Variants in ATP10D observed in about 807,000 individuals in gnomAD.
ATP10D encodes the protein phospholipid-transporting ATPase VD.
Under a neutral mutation model 144.8 loss-of-function variants are expected in ATP10D, and 89 were observed. The observed-to-expected ratio is 0.61, with a 90% CI of 0.52 to 0.73. The LOEUF (loss-of-function observed/expected upper bound fraction) is 0.73. Among genes scored for constraint, ATP10D ranks in the 30% least tolerant of loss-of-function variants. The pLI, the probability that ATP10D is intolerant of heterozygous loss-of-function variation, is 0.00. For missense variants in ATP10D, 1,603 were observed against 1,714.8 expected (o/e 0.93, Z 1.15); for synonymous variants, 571 against 615.1 (o/e 0.93, Z 1.06).
intron 1 of ATP10D, among the ~76,000 whole-genome samples, chr4:47,500,009 T>C (rs1320239660): frequency 1.3e-5 from 2 of 152,236 alleles, no homozygotes; most frequent in Admixed American, 6.5e-5. Context: ...GAAATGCCTG[T>C]TATTATATCA....
chr4:47,497,142 A>T (rs1425575903), intron 1 of ATP10D, among the ~76,000 whole-genome samples: 2 of 152,038 alleles, frequency 1.3e-5, no homozygotes, highest in East Asian at 3.9e-4. Flanking sequence ...CACCTGGCCT[A>T]TAAGATATTA....
At chr4:47,493,419 G>C (rs900796389) in intron 1 of ATP10D, among the ~76,000 whole-genome samples, 1 of 152,084 alleles carries the variant, frequency 6.6e-6, no homozygotes, top group African/African-American at 2.4e-5. Flanking sequence ...TATAGTGTTC[G>C]ATAAAGTACA....
intron 10 of ATP10D, among the ~76,000 whole-genome samples, chr4:47,548,699 G>C (rs1006196759): frequency 6.6e-6 from 1 of 152,080 alleles, no homozygotes; most frequent in Non-Finnish European, 1.5e-5. Flanking sequence ...TGTTACTGTT[G>C]TCCTTGTTTT....
intron 15 of ATP10D, among the ~76,000 whole-genome samples, chr4:47,566,081 A>G (rs1035179088): frequency 6.6e-6 from 1 of 152,212 alleles, no homozygotes. Context: ...GGACTTGAAG[A>G]TCATGGAGCC....
chr4:47,526,033 A>G (rs1369520787), intron 5 of ATP10D, among the ~76,000 whole-genome samples: 1 of 152,236 alleles, frequency 6.6e-6, no homozygotes, highest in Non-Finnish European at 1.5e-5. Context: ...TGAGAAGAGC[A>G]AAGTTCCCAA....
intron 5 of ATP10D, among the ~76,000 whole-genome samples, chr4:47,527,185 CAA>C (rs1717291431): frequency 2.0e-5 from 3 of 151,942 alleles, no homozygotes; most frequent in Non-Finnish European, 4.4e-5. Context: ...AACAAAGGTG[CAA>C]AGACACATAG....
chr4:47,546,511 G>C, intron 9 of ATP10D, 113 bp from the exon 10 acceptor site: 1 of 950,058 alleles, frequency 1.1e-6, no homozygotes. Context: ...TTGGCAGCCA[G>C]GTTTGAAAGG....
chr4:47,518,272 CTATAG>C (rs1716783387), intron 3 of ATP10D, among the ~76,000 whole-genome samples: 1 of 152,014 alleles, frequency 6.6e-6, no homozygotes, highest in African/African-American at 2.4e-5. Context: ...GCTTAATTTT[CTATAG>C]AAAAGTATCA....
intron 9 of ATP10D, among the ~76,000 whole-genome samples, chr4:47,546,169 T>C (rs922816294): frequency 5.9e-5 from 9 of 152,132 alleles, no homozygotes; most frequent in Admixed American, 2.0e-4. Context: ...ATGGAGCTCA[T>C]TGGTGACCTT....
intron 5 of ATP10D, among the ~76,000 whole-genome samples, chr4:47,529,748 CAA>C (rs1717463361): frequency 6.6e-6 from 1 of 152,100 alleles, no homozygotes; most frequent in Non-Finnish European, 1.5e-5. Context: ...ACATTTTTAA[CAA>C]TATTGATTCT....
chr4:47,550,739 T>G (rs1718690706), intron 10 of ATP10D, among the ~76,000 whole-genome samples: 1 of 152,192 alleles, frequency 6.6e-6, no homozygotes, highest in East Asian at 1.9e-4. Flanking sequence ...ACCCAGGCAC[T>G]TAGCCATGCA....
At chr4:47,502,226 A>G (rs1404522619) in intron 1 of ATP10D, among the ~76,000 whole-genome samples, 2 of 152,114 alleles carry the variant, frequency 1.3e-5, no homozygotes, top group African/African-American at 4.8e-5. Flanking sequence ...TGTAATCCCA[A>G]CACTTTGGGA....
chr4:47,534,879 T>C (rs907441545), intron 5 of ATP10D, among the ~76,000 whole-genome samples: 1 of 152,070 alleles, frequency 6.6e-6, no homozygotes, highest in Non-Finnish European at 1.5e-5. Flanking sequence ...AAGTAGTAAC[T>C]GATTCACAAT....
intron 1 of ATP10D, among the ~76,000 whole-genome samples, chr4:47,486,580 A>C (rs753405356): frequency 1.3e-5 from 2 of 152,220 alleles, no homozygotes; most frequent in Non-Finnish European, 2.9e-5. Context: ...AAATCATTGC[A>C]ACGGAGTAGT....
intron 1 of ATP10D, among the ~76,000 whole-genome samples, chr4:47,506,824 C>T (rs189733566): frequency 1.5e-3 from 230 of 152,224 alleles, no homozygotes; most frequent in Non-Finnish European, 1.4e-3. Flanking sequence ...AACATGAGAC[C>T]AGTTGGTTTA....
Position 47,557,660 on chromosome 4 carries a change from A to G in ATP10D, c.1825-4A>G, listed in dbSNP as rs1262853499. The G allele has an allele frequency of 2.5e-6, 4 of 1,597,092 alleles. No homozygotes were observed. The highest frequency in any genetic ancestry group is 2.6e-6 in the Non-Finnish European group (3 of 1,168,688). ...TTGAGACCTTTCTAAATTGTCTTTC[A>G]TAGATCAGACACCCTTCACTGGGGG... On this transcript the variant is annotated splice_region_variant and splice_polypyrimidine_tract_variant and intron_variant, in intron 11 of 22. Transcript: ENST00000273859.
At chr4:47,568,751 A>G in intron 15 of ATP10D, 86 bp from the exon 16 acceptor site, 3 of 1,185,848 alleles carry the variant, frequency 2.5e-6, no homozygotes, top group Non-Finnish European at 2.4e-6. Context: ...TGATTCAGCA[A>G]TTGCTAAAAA....
intron 9 of ATP10D, among the ~76,000 whole-genome samples, chr4:47,543,172 A>C (rs1718246128): frequency 6.6e-6 from 1 of 152,094 alleles, no homozygotes; most frequent in South Asian, 2.1e-4. Flanking sequence ...ATTGTTGTTA[A>C]TCTTTTACTA....
chr4:47,522,937 A>C (rs1717023567), intron 3 of ATP10D, 75 bp from the exon 4 acceptor site: 2 of 1,237,722 alleles, frequency 1.6e-6, no homozygotes, highest in South Asian at 2.9e-5. Flanking sequence ...TACGCTAAAA[A>C]ATTTTTTAAA....
Sources: gnomAD v4.1 joint callset for allele counts (sites outside exome capture counted in the v4.1 genomes callset) on GRCh38, gnomAD v4.1.1 for gene constraint, MANE v1.5 for transcripts, NCBI Gene and HGNC (gene_info 2026-07-23, HGNC 2026-07-21) for gene names.